Variants in GRM7 observed in about 807,000 individuals in gnomAD.
The protein encoded by GRM7 is glutamate metabotropic receptor 7.
A neutral mutation model predicts 84.5 loss-of-function variants in GRM7; 35 were observed. That is an observed-to-expected ratio of 0.41 (90% confidence interval 0.32 to 0.55). The LOEUF is 0.55. Among genes scored for constraint, GRM7 ranks in the 20% least tolerant of loss-of-function variants. GRM7 has a pLI of 0.19. For synonymous variants in GRM7, 487 were observed against 455.1 expected, an observed-to-expected ratio of 1.07 and a Z score of -0.89; for missense variants, 1,003 against 1,194.6, an observed-to-expected ratio of 0.84 and a Z score of 2.36.
intron 4 of GRM7, among the ~76,000 whole-genome samples, chr3:7,324,890 A>G (rs1700925735): frequency 6.6e-6 from 1 of 152,144 alleles, no homozygotes; most frequent in East Asian, 1.9e-4. Context: ...CACCTGTAGA[A>G]TCTATTTTTA....
At chr3:6,988,405 C>T (rs138389123) in intron 1 of GRM7, among the ~76,000 whole-genome samples, 276 of 152,052 alleles carry the variant, frequency 1.8e-3, no homozygotes, top group Middle Eastern at 0.014. Flanking sequence ...ATACCAGATG[C>T]ATCCAGTGTT....
chr3:7,030,721 A>T (rs554907858), intron 1 of GRM7, among the ~76,000 whole-genome samples: 2 of 152,346 alleles, frequency 1.3e-5, no homozygotes, highest in African/African-American at 4.8e-5. Context: ...AAAATGAATG[A>T]TAATGATTTG....
At chr3:7,284,844 A>G (rs1559552604) in intron 2 of GRM7, among the ~76,000 whole-genome samples, 1 of 152,132 alleles carries the variant, frequency 6.6e-6, no homozygotes. Flanking sequence ...AATAATAATC[A>G]TGAAATGAAA....
intron 1 of GRM7, among the ~76,000 whole-genome samples, chr3:6,951,564 T>C (rs952326095): frequency 2.0e-5 from 3 of 152,238 alleles, no homozygotes; most frequent in African/African-American, 7.2e-5. Context: ...TGCAGTACAT[T>C]ATTTAGTTTA....
At chr3:7,554,551 G>C (rs1693667507) in intron 7 of GRM7, among the ~76,000 whole-genome samples, 1 of 152,156 alleles carries the variant, frequency 6.6e-6, no homozygotes, top group Non-Finnish European at 1.5e-5. Flanking sequence ...AAATTAGCTA[G>C]GGTAAGTAAT....
At chr3:6,898,625 T>C (rs1263335896) in intron 1 of GRM7, among the ~76,000 whole-genome samples, 1 of 151,928 alleles carries the variant, frequency 6.6e-6, no homozygotes, top group African/African-American at 2.4e-5. Flanking sequence ...AGGATGACAG[T>C]GTCAAGAAAA....
In GRM7 at chr3:7,339,712, T is replaced by C. The variant is rs570185830; in HGVS notation, c.1033+33060T>C. Among the ~76,000 whole-genome samples, 11 of 152,136 alleles carry C rather than the reference T, an allele frequency of 7.2e-5. No individual in the cohort carries two copies. In the South Asian group the frequency reaches 2.1e-3, roughly 29 times the overall value. ...ATGGCAAGGAACAAAGTCAATCATA[T>C]CTAAGTATGGGAGGGGTGAACTGAA... On this transcript the variant is annotated intron_variant, in intron 4 of 9. Transcript: ENST00000357716.
chr3:7,318,673 T>C (rs762062702), intron 4 of GRM7, among the ~76,000 whole-genome samples: 1 of 152,060 alleles, frequency 6.6e-6, no homozygotes, highest in Non-Finnish European at 1.5e-5. Flanking sequence ...TTAGGCTCAG[T>C]ATATTCCTGA....
In GRM7 at chr3:7,724,072, T is replaced by A. The variant is rs538228445; in HGVS notation, c.2699-16285T>A. Among the ~76,000 whole-genome samples, 4 of 151,938 alleles carry A rather than the reference T, an allele frequency of 2.6e-5. No homozygotes were observed. In the South Asian group the frequency reaches 6.3e-4, roughly 24 times the overall value. ...CACAGAGAATAGTGAAGATGGAAAATACGGAGCTGTTGTGAGCCTGATATG... is the reference window on the plus strand; with the variant it reads ...CACAGAGAATAGTGAAGATGGAAAAAACGGAGCTGTTGTGAGCCTGATATG... On this transcript the variant is annotated intron_variant, in intron 9 of 9. Transcript: ENST00000357716.
intron 2 of GRM7, among the ~76,000 whole-genome samples, chr3:7,285,086 TG>T (rs1337348999): frequency 1.3e-5 from 2 of 152,148 alleles, no homozygotes; most frequent in Non-Finnish European, 2.9e-5. Flanking sequence ...CATTTGCTTC[TG>T]TGTTGTCAAG....
chr3:6,987,932 ACT>A (rs1192083648), intron 1 of GRM7, among the ~76,000 whole-genome samples: 1 of 150,444 alleles, frequency 6.6e-6, no homozygotes, highest in Non-Finnish European at 1.5e-5. Flanking sequence ...ATGGAGCTAG[ACT>A]CTCTGCATGA....
At chr3:7,150,033 C>G (rs903860292) in intron 2 of GRM7, among the ~76,000 whole-genome samples, 2 of 151,550 alleles carry the variant, frequency 1.3e-5, no homozygotes, top group Non-Finnish European at 2.9e-5. Context: ...TTTGCATTGT[C>G]CTATGTATGT....
intron 1 of GRM7, among the ~76,000 whole-genome samples, chr3:6,931,926 G>A (rs569099094): frequency 1.7e-4 from 26 of 152,146 alleles, no homozygotes; most frequent in Non-Finnish European, 2.9e-4. Context: ...GAAGAAAGTC[G>A]ATTAAGTAAA....
chr3:7,219,954 A>G (rs1696745336), intron 2 of GRM7, among the ~76,000 whole-genome samples: 1 of 152,198 alleles, frequency 6.6e-6, no homozygotes. Flanking sequence ...AGGACCAACT[A>G]AAGGTTCTTA....
chr3:7,371,655 G>T (rs1040167684), intron 4 of GRM7, among the ~76,000 whole-genome samples: 1 of 152,270 alleles, frequency 6.6e-6, no homozygotes, highest in South Asian at 2.1e-4. Flanking sequence ...ACTTTGCTCA[G>T]TCTCTTTTCT....
rs150443641 is a variant in GRM7 at position 6,951,169 on chromosome 3, C to T, written c.519+89262C>T. On this transcript the variant is annotated intron_variant, in intron 1 of 9. Coordinates refer to ENST00000357716, the MANE Select transcript of GRM7 (RefSeq NM_000844.4). Reference sequence around the variant, plus strand: ...GCTGTAGACTGGAGCTGTTCCTATTCGGCCATCTTGGCTCCACCCCCAGTC... The same window carrying T: ...GCTGTAGACTGGAGCTGTTCCTATTTGGCCATCTTGGCTCCACCCCCAGTC... Among the ~76,000 whole-genome samples the T allele has an allele frequency of 1.1e-3, 166 of 152,280 alleles. 1 individual carries two copies. The highest frequency in any genetic ancestry group is 3.6e-3 in the African/African-American group (148 of 41,568).
chr3:6,920,240 C>T (rs1697078213), intron 1 of GRM7, among the ~76,000 whole-genome samples: 1 of 151,986 alleles, frequency 6.6e-6, no homozygotes, highest in South Asian at 2.1e-4. Context: ...AAATTTTTAT[C>T]AATCCCTAAA....
chr3:7,387,631 G>A (rs1465725688), intron 4 of GRM7, among the ~76,000 whole-genome samples: 3 of 152,124 alleles, frequency 2.0e-5, no homozygotes, highest in African/African-American at 7.2e-5. Context: ...TCTGTATTCT[G>A]TTCCATTGGT....
chr3:7,575,388 C>T (rs759367670), intron 7 of GRM7, among the ~76,000 whole-genome samples: 13 of 151,956 alleles, frequency 8.6e-5, no homozygotes, highest in Non-Finnish European at 1.5e-4. Context: ...AGTTTTGTTG[C>T]GGAGTTCAGG....
Sources: allele counts gnomAD v4.1 joint callset (sites outside exome capture counted in the v4.1 genomes callset), GRCh38; gene constraint gnomAD v4.1.1; transcripts MANE v1.5; gene names NCBI Gene and HGNC (gene_info 2026-07-23, HGNC 2026-07-21).